The following ESCO2 variants were observed in gnomAD, a reference collection of about 807,000 sequenced individuals.
ESCO2 encodes establishment of sister chromatid cohesion N-acetyltransferase 2.
In ESCO2, 51 loss-of-function variants were observed where a neutral mutation model predicts 61.7. That is an observed-to-expected ratio of 0.83 (90% CI 0.66 to 1.04). ESCO2 has a LOEUF of 1.04. ESCO2 is among the 50% of genes least tolerant of loss of function. ESCO2 has a pLI of 0.00. For synonymous variants in ESCO2, 230 were observed against 238.2 expected, an observed-to-expected ratio of 0.97 and a Z score of 0.32; for missense variants, 692 against 686.2, an observed-to-expected ratio of 1.01 and a Z score of -0.09.
intron 10 of ESCO2, among the ~76,000 whole-genome samples, chr8:27,802,961 TCGA>T (rs1381045652): frequency 1.3e-5 from 2 of 151,606 alleles, no homozygotes; most frequent in East Asian, 3.9e-4. Flanking sequence ...TAGGATAGTC[TCGA>T]CCTCGTGATC....
At chr8:27,810,505 G>T (rs1312214517), downstream of ESCO2, 1 of 1,569,938 alleles carries the variant, frequency 6.4e-7, no homozygotes, top group Non-Finnish European at 8.7e-7. Flanking sequence ...GTTTTATCTT[G>T]AAGGAGTTAG....
downstream of ESCO2, among the ~76,000 whole-genome samples, chr8:27,806,083 T>C (rs750207123): frequency 2.0e-5 from 3 of 152,196 alleles, no homozygotes; most frequent in Non-Finnish European, 4.4e-5. Flanking sequence ...CCACAGTTTG[T>C]TACCAAAAAT....
At chr8:27,800,044 T>C (rs527986175) in intron 10 of ESCO2, among the ~76,000 whole-genome samples, 63 of 152,222 alleles carry the variant, frequency 4.1e-4, no homozygotes, top group African/African-American at 1.4e-3. Flanking sequence ...AATCTCAAAT[T>C]GTTTTAGACT....
At chr8:27,787,327 T>C (rs916009583) in intron 5 of ESCO2, among the ~76,000 whole-genome samples, 1 of 146,016 alleles carries the variant, frequency 6.8e-6, no homozygotes. Context: ...AATATGTTTT[T>C]GTTTTTTTTT....
At chr8:27,774,789 C>T (rs550353752) in intron 1 of ESCO2, 182 bp downstream of exon 1, 2 of 152,340 alleles carry the variant, frequency 1.3e-5, no homozygotes, top group South Asian at 2.1e-4. Context: ...CCGGGTTTCC[C>T]TCTTCCCGAC....
chr8:27,773,489 G>C (rs115535700), upstream of ESCO2, among the ~76,000 whole-genome samples: 1,388 of 151,184 alleles, frequency 9.2e-3, 25 homozygotes, highest in African/African-American at 0.032. Context: ...AGGGGGGTTG[G>C]AATCTTCTGG....
Position 27,776,123 on chromosome 8 carries a change from A to G in ESCO2, c.54-239A>G, listed in dbSNP as rs76696636. 4.2e-3 allele frequency among the ~76,000 whole-genome samples: 635 copies of G among 152,348 alleles called. 5 individuals are homozygous for G. Among genetic ancestry groups the G allele is most frequent in the African/African-American group, 0.015 (615 of 41,590 alleles). On this transcript the variant is annotated intron_variant, in intron 2 of 10. Coordinates refer to ENST00000305188, the MANE Select transcript of ESCO2 (RefSeq NM_001017420.3). ...TTAAAACATACATGCATATATGTCT[A>G]TCATAGCTTCTTTGTATATAGTATT...
intron 5 of ESCO2, among the ~76,000 whole-genome samples, chr8:27,784,858 G>A (rs1043362037): frequency 1.1e-4 from 17 of 152,136 alleles, no homozygotes; most frequent in Non-Finnish European, 1.8e-4. Context: ...TACTCTCAGA[G>A]CACCTCACCT....
At chr8:27,785,948 T>C (rs1277107212) in intron 5 of ESCO2, among the ~76,000 whole-genome samples, 2 of 152,170 alleles carry the variant, frequency 1.3e-5, no homozygotes, top group Non-Finnish European at 2.9e-5. Context: ...AATGTGGTCT[T>C]GCTATCAAGG....
At chr8:27,810,989 G>C, downstream of ESCO2, 1 of 1,608,652 alleles carries the variant, frequency 6.2e-7, no homozygotes. Flanking sequence ...AAAGATTAAT[G>C]TGTGGAATCG....
At position 27,804,907 on chromosome 8, in the gene ESCO2, A is replaced by C; in HGVS notation, c.*1469A>C. ...TAAAATTCTTTATTTTATACAACTAAATCTGATTTTAATTATTTTATTATG... is the reference window on the plus strand; with the variant it reads ...TAAAATTCTTTATTTTATACAACTACATCTGATTTTAATTATTTTATTATG... On this transcript the variant is annotated 3_prime_UTR_variant, in exon 11 of 11. Coordinates refer to ENST00000305188, the MANE Select transcript of ESCO2 (RefSeq NM_001017420.3). The C allele has an allele frequency of 2.7e-6, 1 of 372,096 alleles. No individual in the cohort carries two copies. The highest frequency in any genetic ancestry group is 3.7e-6 in the Non-Finnish European group (1 of 269,734). 23.0% of individuals were successfully genotyped at this position (372,096 alleles called of 1,614,324 possible). A position where few individuals can be genotyped will look rare whatever the true frequency, so the allele number is the denominator to read the frequency against.
At chr8:27,806,099 A>G (rs1162813330), downstream of ESCO2, among the ~76,000 whole-genome samples, 1 of 152,204 alleles carries the variant, frequency 6.6e-6, no homozygotes, top group Non-Finnish European at 1.5e-5. Context: ...AAAATATTGC[A>G]TGGAAATTTC....
At chr8:27,780,301 A>T (rs771735920) in intron 4 of ESCO2, 34 bp downstream of exon 4, 2 of 1,307,802 alleles carry the variant, frequency 1.5e-6, no homozygotes, top group Non-Finnish European at 2.2e-6. Flanking sequence ...TAGCTGCTTA[A>T]AATAATGCTT....
chr8:27,806,570 A>G (rs1776470288), downstream of ESCO2, among the ~76,000 whole-genome samples: 1 of 151,900 alleles, frequency 6.6e-6, no homozygotes, highest in Non-Finnish European at 1.5e-5. Context: ...AGATCTATAG[A>G]TCAATTTGGG....
Position 27,777,034 on chromosome 8 carries a change from A to G in ESCO2, c.726A>G (p.Glu242=). Residue 242 remains glutamate (E), a synonymous_variant, in exon 3 of 11, where the codon GAA becomes GAG. Transcript: ENST00000305188. The stretch of plus-strand genomic sequence containing the variant: ...AAAAGAGTAAATCAGAAGTCATTGA[A>G]GATTCTGATGTAGAGACTGTCAGTG... The part of the protein sequence containing the change: ...RTQKSKSEVI[E]DSDVETVSEK... 1 of 1,611,468 alleles carries G rather than the reference A, an allele frequency of 6.2e-7. No homozygotes were observed. Among genetic ancestry groups the G allele is most frequent in the Non-Finnish European group, 8.5e-7 (1 of 1,179,454 alleles).
At chr8:27,797,131 C>A (rs565067720) in intron 9 of ESCO2, among the ~76,000 whole-genome samples, 2 of 109,696 alleles carry the variant, frequency 1.8e-5, no homozygotes, top group South Asian at 6.4e-4. Flanking sequence ...AAAAAAAGTT[C>A]ATTTCCTTAT....
intron 5 of ESCO2, among the ~76,000 whole-genome samples, chr8:27,786,816 T>G (rs1025662279): frequency 9.4e-5 from 14 of 148,282 alleles, no homozygotes; most frequent in African/African-American, 2.7e-4. Flanking sequence ...TTTGTCAGGT[T>G]TTTTTTTTTC....
downstream of ESCO2, among the ~76,000 whole-genome samples, chr8:27,813,367 CTAGT>C (rs1476332844): frequency 1.3e-5 from 2 of 152,032 alleles, no homozygotes; most frequent in Admixed American, 1.3e-4. Context: ...ATGTAAATGA[CTAGT>C]TAATGGGTGC....
At chr8:27,811,291 T>C, downstream of ESCO2, 1 of 644,590 alleles carries the variant, frequency 1.6e-6, no homozygotes, top group Non-Finnish European at 2.7e-6. Context: ...TAAGGATTAC[T>C]TTCTACCTTT....
Sources: gnomAD v4.1 joint callset for allele counts (sites outside exome capture counted in the v4.1 genomes callset) on GRCh38, gnomAD v4.1.1 for gene constraint, MANE v1.5 for transcripts, NCBI Gene and HGNC (gene_info 2026-07-23, HGNC 2026-07-21) for gene names.